PDE4D: variants seen among roughly 807,000 people sequenced by gnomAD.
PDE4D encodes the protein phosphodiesterase 4D.
PDE4D carries 24 observed loss-of-function variants against 87.4 expected under a neutral mutation model. The ratio of observed to expected loss-of-function variants is 0.27; its 90% CI spans 0.20 to 0.39. The LOEUF is 0.39. PDE4D is among the 10% of genes least tolerant of loss of function. The pLI is 1.00. For synonymous variants in PDE4D, 384 were observed against 383.2 expected, an observed-to-expected ratio of 1.00 and a Z score of -0.02; for missense variants, 714 against 1,041.0, an observed-to-expected ratio of 0.69 and a Z score of 4.32.
At chr5:59,791,444 G>A (rs530027532) in intron 1 of PDE4D, among the ~76,000 whole-genome samples, 1 of 152,262 alleles carries the variant, frequency 6.6e-6, no homozygotes, top group East Asian at 1.9e-4. Flanking sequence ...TTAACCTCAT[G>A]ATTCTGTGTT....
intron 1 of PDE4D, among the ~76,000 whole-genome samples, chr5:59,377,538 C>A (rs562385948): frequency 6.6e-6 from 1 of 151,908 alleles, no homozygotes; most frequent in Non-Finnish European, 1.5e-5. Context: ...AAGCTGTCAA[C>A]AGAGTGAGCC....
chr5:60,435,797 CTCTT>C (rs902650122), intron 1 of PDE4D, among the ~76,000 whole-genome samples: 5 of 151,876 alleles, frequency 3.3e-5, no homozygotes, highest in African/African-American at 1.2e-4. Context: ...TGGGAAATAC[CTCTT>C]TCTATTTGCA....
intron 1 of PDE4D, among the ~76,000 whole-genome samples, chr5:59,829,474 G>A (rs1740850586): frequency 6.6e-6 from 1 of 151,938 alleles, no homozygotes; most frequent in South Asian, 2.1e-4. Context: ...GGCAGCTCCT[G>A]TTATAACACA....
At chr5:59,164,191 T>A (rs1239858313) in intron 5 of PDE4D, among the ~76,000 whole-genome samples, 1 of 152,182 alleles carries the variant, frequency 6.6e-6, no homozygotes, top group Non-Finnish European at 1.5e-5. Context: ...AGGCAGACAT[T>A]TTTGCAGTCA....
chr5:59,168,639 T>C lies in PDE4D; in HGVS notation c.808+11956A>G, dbSNP rs370745700. On this transcript the variant is annotated intron_variant, in intron 5 of 14. Coordinates refer to ENST00000340635, the MANE Select transcript of PDE4D (RefSeq NM_001104631.2). ...CATATACATTCAGGAATAGATGGTA[T>C]AGATTTGTTTTCTGTTCTCAAAAGA... Among the ~76,000 whole-genome samples, 39 of 152,188 alleles carry C rather than the reference T, an allele frequency of 2.6e-4. 1 individual carries two copies. The South Asian group carries it at 8.1e-3, about 32-fold the overall frequency.
At chr5:59,112,534 G>T (rs950133615) in intron 5 of PDE4D, among the ~76,000 whole-genome samples, 16 of 152,150 alleles carry the variant, frequency 1.1e-4, no homozygotes, top group African/African-American at 3.9e-4. Flanking sequence ...GGTAACCATG[G>T]AGATGGTGAC....
intron 5 of PDE4D, among the ~76,000 whole-genome samples, chr5:59,134,899 G>C (rs1580989541): frequency 6.6e-6 from 1 of 152,144 alleles, no homozygotes; most frequent in Non-Finnish European, 1.5e-5. Context: ...CTCATTTTTT[G>C]TACCTTTTAT....
At chr5:59,354,392 C>T (rs999786720) in intron 1 of PDE4D, among the ~76,000 whole-genome samples, 5 of 152,104 alleles carry the variant, frequency 3.3e-5, no homozygotes, top group Admixed American at 1.3e-4. Context: ...TACATGTTTA[C>T]ATCAAATAGT....
At chr5:59,525,671 G>A (rs1812980537) in intron 1 of PDE4D, among the ~76,000 whole-genome samples, 2 of 152,160 alleles carry the variant, frequency 1.3e-5, no homozygotes, top group African/African-American at 2.4e-5. Context: ...CCCAAATCTC[G>A]AATTGTAATC....
intron 1 of PDE4D, among the ~76,000 whole-genome samples, chr5:59,790,308 A>C (rs1422921933): frequency 2.0e-5 from 3 of 152,242 alleles, no homozygotes; most frequent in East Asian, 1.9e-4. Context: ...TGGAATTATT[A>C]AAGTAGCCCA....
rs927571900 is a variant in PDE4D, at chr5:59,842,533, G to A, written c.455+50635C>T. 3.3e-5 allele frequency among the ~76,000 whole-genome samples: 5 copies of A among 152,094 alleles called. No individual in the cohort carries two copies. In the South Asian group the frequency reaches 6.2e-4, roughly 19 times the overall value. ...CCAAATGTACTTCCTCATATTTTAA[G>A]TGGAATATGAATTTCCTAGAAATTT... is the stretch of plus-strand genomic sequence containing the variant. On this transcript the variant is annotated intron_variant, in intron 1 of 14. Coordinates refer to ENST00000340635, the MANE Select transcript of PDE4D (RefSeq NM_001104631.2).
intron 1 of PDE4D, among the ~76,000 whole-genome samples, chr5:59,527,731 C>T (rs1279371236): frequency 6.6e-6 from 1 of 152,142 alleles, no homozygotes; most frequent in Non-Finnish European, 1.5e-5. Flanking sequence ...TAGCAAGGGG[C>T]TTGTCCATAA....
intron 1 of PDE4D, among the ~76,000 whole-genome samples, chr5:60,275,639 T>A (rs1751283709): frequency 6.6e-6 from 1 of 152,078 alleles, no homozygotes. Flanking sequence ...TTTTCCCCAG[T>A]CAGCCTACAA....
intron 1 of PDE4D, among the ~76,000 whole-genome samples, chr5:59,682,007 T>C (rs1580381230): frequency 6.6e-6 from 1 of 152,064 alleles, no homozygotes; most frequent in African/African-American, 2.4e-5. Flanking sequence ...CTGCACCAGA[T>C]GCAGCCCCTT....
chr5:60,079,492 T>G (rs1203067908), intron 2 of PDE4D, among the ~76,000 whole-genome samples: 1 of 152,158 alleles, frequency 6.6e-6, no homozygotes, highest in Admixed American at 6.5e-5. Flanking sequence ...TTTCTTCTAC[T>G]GTTTTTATTG....
chr5:59,459,688 T>C (rs923764198), intron 1 of PDE4D, among the ~76,000 whole-genome samples: 6 of 152,214 alleles, frequency 3.9e-5, no homozygotes, highest in Non-Finnish European at 8.8e-5. Flanking sequence ...TCTAATAAAC[T>C]TTGTGGAGCT....
intron 1 of PDE4D, among the ~76,000 whole-genome samples, chr5:59,362,283 T>G (rs1782342318): frequency 1.3e-5 from 2 of 152,212 alleles, no homozygotes; most frequent in Non-Finnish European, 2.9e-5. Context: ...AATTGCCAAT[T>G]GGTTACTTCA....
chr5:59,707,296 C>G (rs1456559186), intron 1 of PDE4D, among the ~76,000 whole-genome samples: 2 of 152,030 alleles, frequency 1.3e-5, no homozygotes, highest in African/African-American at 2.4e-5. Flanking sequence ...ATGCAACAAA[C>G]ATTTATTGAA....
chr5:59,677,133 T>C (rs1219470315), intron 1 of PDE4D, among the ~76,000 whole-genome samples: 2 of 152,156 alleles, frequency 1.3e-5, no homozygotes, highest in Admixed American at 6.5e-5. Context: ...GATCTTTTTT[T>C]TTAATCAGTT....
Sources: allele counts gnomAD v4.1 joint callset (sites outside exome capture counted in the v4.1 genomes callset), GRCh38; gene constraint gnomAD v4.1.1; transcripts MANE v1.5; gene names NCBI Gene and HGNC (gene_info 2026-07-23, HGNC 2026-07-21).